Variants in RNF11 observed in about 807,000 individuals in gnomAD.
The protein encoded by RNF11 is ring finger protein 11.
A neutral mutation model predicts 15.8 loss-of-function variants in RNF11; 4 were observed. That is an observed-to-expected ratio of 0.25 (90% CI 0.12 to 0.58). RNF11 has a LOEUF of 0.58. Ranked by LOEUF, RNF11 falls within the 20% of genes least tolerant of loss-of-function variation. The pLI, the probability that RNF11 is intolerant of heterozygous loss-of-function variation, is 0.91. For missense variants in RNF11, 139 were observed against 194.4 expected, an observed-to-expected ratio of 0.71 and a Z score of 1.70; for synonymous variants, 68 against 72.3, an observed-to-expected ratio of 0.94 and a Z score of 0.30.
chr1:51,260,457 T>C (rs541315270), intron 1 of RNF11, among the ~76,000 whole-genome samples: 43 of 152,340 alleles, frequency 2.8e-4, no homozygotes, highest in African/African-American at 1.0e-3. Context: ...TTTCAAACTT[T>C]CACACCTTCT....
chr1:51,251,459 G>C, intron 1 of RNF11: 1 of 670,046 alleles, frequency 1.5e-6, no homozygotes, highest in Non-Finnish European at 2.5e-6. Flanking sequence ...CGCTGCACTG[G>C]TGTCATCCAC....
Position 51,271,489 on chromosome 1 carries a change from G to T in RNF11, c.*167G>T. 1.8e-6 allele frequency: 1 copy of T among 546,820 alleles called. No homozygotes were observed. 33.9% of individuals were successfully genotyped at this position (546,820 alleles called of 1,614,324 possible). ...GGGGGAAAAAGTACGTGATATTTTA[G>T]AAACTTAGTGGGAAAAGTAGGATGG... is the stretch of plus-strand genomic sequence containing the variant. On this transcript the variant is annotated 3_prime_UTR_variant, in exon 3 of 3. Coordinates refer to ENST00000242719, the MANE Select transcript of RNF11 (RefSeq NM_014372.5).
intron 1 of RNF11, among the ~76,000 whole-genome samples, chr1:51,256,263 A>G (rs749039470): frequency 7.2e-5 from 11 of 152,074 alleles, no homozygotes; most frequent in East Asian, 3.8e-4. Flanking sequence ...TGATGGTTCT[A>G]TTGTCTCCAT....
chr1:51,268,176 A>AT (rs1478958435), intron 1 of RNF11, among the ~76,000 whole-genome samples: 2 of 152,254 alleles, frequency 1.3e-5, no homozygotes, highest in Non-Finnish European at 2.9e-5. Context: ...GATAACTCAG[A>AT]TATCAAGCCA....
intron 1 of RNF11, among the ~76,000 whole-genome samples, chr1:51,267,337 T>G (rs186200585): frequency 2.0e-5 from 3 of 152,350 alleles, no homozygotes; most frequent in African/African-American, 7.2e-5. Flanking sequence ...GCACTGGCGT[T>G]GGAGGTCCTC....
intron 2 of RNF11, among the ~76,000 whole-genome samples, chr1:51,270,910 A>G (rs1437109543): frequency 2.0e-5 from 3 of 152,200 alleles, no homozygotes; most frequent in African/African-American, 7.2e-5. Flanking sequence ...TATGTAATCC[A>G]TTTCTCTTTG....
chr1:51,262,348 G>A (rs199999807), intron 1 of RNF11, among the ~76,000 whole-genome samples: 1 of 152,216 alleles, frequency 6.6e-6, no homozygotes, highest in South Asian at 2.1e-4. Context: ...ACACCTAAAT[G>A]TAAGAGCTAA....
chr1:51,263,951 G>T (rs1201574833), intron 1 of RNF11, among the ~76,000 whole-genome samples: 2 of 151,998 alleles, frequency 1.3e-5, no homozygotes, highest in Non-Finnish European at 2.9e-5. Context: ...TATTTCCTCA[G>T]TGCTGAGATG....
At chr1:51,264,315 TATACAC>T (rs1483223635) in intron 1 of RNF11, among the ~76,000 whole-genome samples, 16 of 96,638 alleles carry the variant, frequency 1.7e-4, no homozygotes, top group African/African-American at 3.6e-4. Flanking sequence ...TATATATATA[TATACAC>T]ACACACACAC....
chr1:51,247,696 T>C (rs947402166), intron 1 of RNF11, among the ~76,000 whole-genome samples: 4 of 152,208 alleles, frequency 2.6e-5, no homozygotes, highest in African/African-American at 9.7e-5. Context: ...TTTGAACTCT[T>C]AGATGAGTTC....
intron 1 of RNF11, among the ~76,000 whole-genome samples, chr1:51,245,459 C>CTT (rs201131292): frequency 2.0e-5 from 3 of 150,232 alleles, no homozygotes; most frequent in Admixed American, 6.7e-5. Context: ...ACCCAACAGC[C>CTT]TTTTTTTTTG....
At chr1:51,241,045 G>A (rs922429076) in intron 1 of RNF11, among the ~76,000 whole-genome samples, 34 of 152,146 alleles carry the variant, frequency 2.2e-4, no homozygotes, top group African/African-American at 8.2e-4. Flanking sequence ...TCAAACTCCT[G>A]ACTTCAGGTG....
intron 1 of RNF11, among the ~76,000 whole-genome samples, chr1:51,257,575 C>T (rs72898406): frequency 0.021 from 3,199 of 152,168 alleles, 95 homozygotes; most frequent in African/African-American, 0.065. Flanking sequence ...TGTGCCTCAG[C>T]CTCTCTCGAG....
intron 1 of RNF11, among the ~76,000 whole-genome samples, chr1:51,239,165 A>G (rs1646818057): frequency 6.6e-6 from 1 of 152,052 alleles, no homozygotes; most frequent in South Asian, 2.1e-4. Context: ...CCTGCCTCCT[A>G]TCCCCTTTCT....
chr1:51,244,930 G>A (rs1164352685), intron 1 of RNF11, among the ~76,000 whole-genome samples: 1 of 152,218 alleles, frequency 6.6e-6, no homozygotes, highest in Non-Finnish European at 1.5e-5. Context: ...ATGGAGATGG[G>A]ATGGTGAGTT....
At chr1:51,250,869 A>G (rs987870122) in intron 1 of RNF11, 14 of 1,070,068 alleles carry the variant, frequency 1.3e-5, no homozygotes, top group African/African-American at 1.6e-5. Flanking sequence ...TGCGGAGACA[A>G]TGCCAGTGCC....
intron 1 of RNF11, among the ~76,000 whole-genome samples, chr1:51,246,356 C>T (rs1646851570): frequency 6.6e-6 from 1 of 152,106 alleles, no homozygotes; most frequent in African/African-American, 2.4e-5. Context: ...GGAAGGATTG[C>T]TTGAGCCCAG....
At chr1:51,266,467 A>G (rs112590779) in intron 1 of RNF11, among the ~76,000 whole-genome samples, 3,188 of 150,970 alleles carry the variant, frequency 0.021, 96 homozygotes, top group African/African-American at 0.065. Flanking sequence ...CCAAATCATT[A>G]GCAGTTTTTC....
chr1:51,250,987 C>T (rs1196671787), intron 1 of RNF11: 16 of 1,388,758 alleles, frequency 1.2e-5, no homozygotes, highest in East Asian at 2.4e-5. Flanking sequence ...CCTCTGCGCA[C>T]GGGGACAATG....
Sources: allele counts gnomAD v4.1 joint callset (sites outside exome capture counted in the v4.1 genomes callset), GRCh38; gene constraint gnomAD v4.1.1; transcripts MANE v1.5; gene names NCBI Gene and HGNC (gene_info 2026-07-23, HGNC 2026-07-21).